CCDC12: variants seen among roughly 807,000 people sequenced by gnomAD.
CCDC12 encodes the protein coiled-coil domain-containing protein 12.
In CCDC12, 28 loss-of-function variants were observed where a neutral mutation model predicts 25.7. The observed-to-expected ratio is 1.09, with a 90% CI of 0.81 to 1.50. CCDC12 has a LOEUF of 1.50. Among genes scored for constraint, CCDC12 ranks in the 40% most tolerant of loss-of-function variants. The pLI is 0.00. For synonymous variants in CCDC12, 75 were observed against 87.7 expected, an observed-to-expected ratio of 0.86 and a Z score of 0.81; for missense variants, 198 against 210.0, an observed-to-expected ratio of 0.94 and a Z score of 0.35.
intron 2 of CCDC12, among the ~76,000 whole-genome samples, chr3:46,935,660 T>TA (rs1392215287): frequency 1.3e-5 from 2 of 152,248 alleles, no homozygotes; most frequent in African/African-American, 4.8e-5. Flanking sequence ...TCCATGCCTC[T>TA]ACAGAGTTAG....
intron 1 of CCDC12, among the ~76,000 whole-genome samples, chr3:46,964,067 C>T (rs1285638322): frequency 3.3e-5 from 5 of 151,922 alleles, no homozygotes; most frequent in Non-Finnish European, 4.4e-5. Flanking sequence ...TTTGCCCCGC[C>T]GCCCCGTCTG....
intron 2 of CCDC12, among the ~76,000 whole-genome samples, chr3:46,926,380 C>T (rs2107105901): frequency 6.6e-6 from 1 of 152,348 alleles, no homozygotes; most frequent in South Asian, 2.1e-4. Context: ...TCCACCAGGA[C>T]AGCAGTGAGA....
chr3:46,976,729 C>T lies in CCDC12; in HGVS notation c.4G>A (p.Glu2Lys), dbSNP rs757471422. The T allele has an allele frequency of 1.5e-5, 24 of 1,606,026 alleles. No individual in the cohort carries two copies. Among genetic ancestry groups the T allele is most frequent in the South Asian group, 1.0e-4 (9 of 89,658 alleles). Reference protein sequence around the residue: MEATTAGVGRLE... With the variant: MKATTAGVGRLE... ...CGGCCCACACCAGCCGTAGTTGCCTCCATCTTGCCCGCGTACGCCCCTCCT... is the reference window on the plus strand; with the variant it reads ...CGGCCCACACCAGCCGTAGTTGCCTTCATCTTGCCCGCGTACGCCCCTCCT... The change falls in exon 1 of 7, where the codon GAG becomes AAG. Residue 2 changes from glutamate to lysine, a missense_variant. Coordinates refer to ENST00000683445, the MANE Select transcript of CCDC12 (RefSeq NM_001277074.2).
In CCDC12 at chr3:46,976,305, G is replaced by C; in HGVS notation, c.96+332C>G. ...GCCATAGAGGAACGGAACAAATCAC[G>C]CCTAACCCAACAAGCATCTGAACCT... On this transcript the variant is annotated intron_variant, in intron 1 of 6. Transcript: ENST00000683445. The C allele has an allele frequency of 1.6e-6, 2 of 1,213,008 alleles. 1 individual carries two copies. Among genetic ancestry groups the C allele is most frequent in the Non-Finnish European group, 2.1e-6 (2 of 965,696 alleles). The allele number at this position is 1,213,008 out of a possible 1,614,324, so 75.1% of individuals were successfully genotyped here.
At chr3:46,939,943 C>G (rs1459290736) in intron 2 of CCDC12, among the ~76,000 whole-genome samples, 1 of 152,086 alleles carries the variant, frequency 6.6e-6, no homozygotes, top group Non-Finnish European at 1.5e-5. Flanking sequence ...CCCTCCCGCT[C>G]CCCCTGGGCA....
At chr3:46,938,353 G>A (rs904602481) in intron 2 of CCDC12, among the ~76,000 whole-genome samples, 1 of 152,102 alleles carries the variant, frequency 6.6e-6, no homozygotes, top group Non-Finnish European at 1.5e-5. Context: ...ACTGACAGGA[G>A]CCTGGAACTA....
At chr3:46,966,841 C>T (rs1254633847) in intron 1 of CCDC12, among the ~76,000 whole-genome samples, 1 of 152,204 alleles carries the variant, frequency 6.6e-6, no homozygotes. Flanking sequence ...ACAGCTGGAC[C>T]AAGCTCACCT....
chr3:46,925,182 T>C, intron 3 of CCDC12: 1 of 629,038 alleles, frequency 1.6e-6, no homozygotes, highest in Non-Finnish European at 3.0e-6. Flanking sequence ...GGATGTGGCC[T>C]TTTTCAAACC....
At position 46,923,663 on chromosome 3, in the gene CCDC12, C is replaced by G. The variant is rs2032803510; in HGVS notation, c.250G>C (p.Glu84Gln). 21 of 1,562,314 alleles carry G rather than the reference C, an allele frequency of 1.3e-5. No individual in the cohort carries two copies. Among genetic ancestry groups the G allele is most frequent in the Non-Finnish European group, 1.8e-5 (21 of 1,154,282 alleles). The change falls in exon 4 of 7, where the codon GAG (glutamate) becomes CAG (glutamine). Residue 84 changes from glutamate (E) to glutamine (Q), a missense_variant. Coordinates refer to ENST00000683445, the MANE Select transcript of CCDC12 (RefSeq NM_001277074.2). ...GCCTCCAGCTGCTCCTTCACCTTCT[C>G]CTCCACTAGAGGGTGCAATTAAACA... Reference protein sequence around the residue: ...VPQAKPVAVEEKVKEQLEAAK... With the variant: ...VPQAKPVAVEQKVKEQLEAAK...
chr3:46,927,211 C>T (rs2032999372), intron 2 of CCDC12, among the ~76,000 whole-genome samples: 2 of 152,296 alleles, frequency 1.3e-5, no homozygotes, highest in Non-Finnish European at 2.9e-5. Context: ...GATACCCCAC[C>T]CCGTCCCCCA....
chr3:46,940,956 C>T, intron 2 of CCDC12, 42 bp downstream of exon 2: 1 of 1,593,922 alleles, frequency 6.3e-7, no homozygotes, highest in Non-Finnish European at 8.6e-7. Flanking sequence ...CCGATGAGTG[C>T]TGGAGGAGAG....
At chr3:46,976,947 G>A (rs2035017870), upstream of CCDC12, 2 of 586,906 alleles carry the variant, frequency 3.4e-6, no homozygotes, top group South Asian at 7.6e-5. Flanking sequence ...CCTAGTGGGT[G>A]GGGAGCCAGC....
At chr3:46,976,778 G>C, upstream of CCDC12, 1 of 1,564,018 alleles carries the variant, frequency 6.4e-7, no homozygotes, top group Non-Finnish European at 8.7e-7. Context: ...GCATCGCGCA[G>C]GCCTAAGGAG....
At chr3:46,981,564 T>C (rs913969698), upstream of CCDC12, among the ~76,000 whole-genome samples, 1 of 152,154 alleles carries the variant, frequency 6.6e-6, no homozygotes, top group African/African-American at 2.4e-5. Flanking sequence ...CCTGGCCCCA[T>C]TGGGTCCCCT....
chr3:46,978,969 T>C (rs971307403), upstream of CCDC12, among the ~76,000 whole-genome samples: 4 of 151,802 alleles, frequency 2.6e-5, no homozygotes, highest in South Asian at 8.3e-4. Flanking sequence ...GGCGACAGAG[T>C]GAGACTCTGT....
chr3:46,939,399 A>G (rs2033603596), intron 2 of CCDC12, among the ~76,000 whole-genome samples: 1 of 152,008 alleles, frequency 6.6e-6, no homozygotes, highest in South Asian at 2.1e-4. Flanking sequence ...CCAGCAAATC[A>G]AAGCCCAGAA....
At position 46,954,713 on chromosome 3, in the gene CCDC12, T is replaced by G. The variant is rs548017358; in HGVS notation, c.97-13648A>C. Among the ~76,000 whole-genome samples the G allele has an allele frequency of 2.0e-4, 31 of 152,142 alleles. No individual in the cohort carries two copies. In the East Asian group the frequency reaches 5.8e-3, roughly 28 times the overall value. On this transcript the variant is annotated intron_variant, in intron 1 of 6. Coordinates refer to ENST00000683445, the MANE Select transcript of CCDC12 (RefSeq NM_001277074.2). ...GGCCGAGGCGGGCAGATCACAAGGT[T>G]AGGAGTTCAAGACCAGCCTGGCCAA...
At chr3:46,936,164 G>C (rs902037418) in intron 2 of CCDC12, among the ~76,000 whole-genome samples, 2 of 152,166 alleles carry the variant, frequency 1.3e-5, no homozygotes, top group African/African-American at 2.4e-5. Flanking sequence ...TTAGACAAAT[G>C]AATCTGCAAA....
At chr3:46,964,834 T>G (rs959658444) in intron 1 of CCDC12, among the ~76,000 whole-genome samples, 2 of 152,112 alleles carry the variant, frequency 1.3e-5, no homozygotes, top group African/African-American at 4.8e-5. Context: ...CAGGGTCCTC[T>G]GCCTAGGAAA....
Sources: allele counts gnomAD v4.1 joint callset (sites outside exome capture counted in the v4.1 genomes callset), GRCh38; gene constraint gnomAD v4.1.1; transcripts MANE v1.5; gene names NCBI Gene and HGNC (gene_info 2026-07-23, HGNC 2026-07-21).